Variants in COL6A1 observed in about 807,000 individuals in gnomAD.
COL6A1 encodes collagen type VI alpha 1 chain.
A neutral mutation model predicts 145.6 loss-of-function variants in COL6A1; 80 were observed. The observed-to-expected ratio is 0.55, with a 90% CI of 0.46 to 0.66. The LOEUF is 0.66. Among genes scored for constraint, COL6A1 ranks in the 30% least tolerant of loss-of-function variants. COL6A1 has a pLI of 0.00. For synonymous variants in COL6A1, 638 were observed against 622.8 expected, an observed-to-expected ratio of 1.02 and a Z score of -0.36; for missense variants, 1,364 against 1,473.8, an observed-to-expected ratio of 0.93 and a Z score of 1.22.
At chr21:46,000,853 A>G (rs1279208234) in intron 29 of COL6A1, 86 bp downstream of exon 29, 4 of 1,528,636 alleles carry the variant, frequency 2.6e-6, no homozygotes, top group Non-Finnish European at 3.6e-6. Context: ...ACAGGACAGC[A>G]CATGGCACTC....
chr21:45,997,409 ATC>A lies in COL6A1; in HGVS notation c.1399-6_1399-5del. On this transcript the variant is annotated splice_polypyrimidine_tract_variant and intron_variant, in intron 20 of 34. Transcript: ENST00000361866. ...GCCTGTGGTCCAACGTGCCATATCC[ATC>A]TCTCTACAGGGCGAGGCTGGCCCTA... 4 of 1,612,678 alleles carry A rather than the reference ATC, an allele frequency of 2.5e-6. No individual in the cohort carries two copies. Among genetic ancestry groups the A allele is most frequent in the Non-Finnish European group, 3.4e-6 (4 of 1,179,732 alleles).
Position 46,004,231 on chromosome 21 carries a change from G to C in COL6A1, c.*218G>C, listed in dbSNP as rs2123494180. The C allele has an allele frequency of 1.6e-6, 1 of 634,562 alleles. No individual in the cohort carries two copies. The highest frequency in any genetic ancestry group is 2.7e-6 in the Non-Finnish European group (1 of 368,898). The allele number at this position is 634,562 out of a possible 1,614,324, so 39.3% of individuals were successfully genotyped here. ...GGCATCACCTGCGCAGGGCCCTCTG[G>C]GGCTCAGCCCTGAGCTAGTGTCACC... is the stretch of plus-strand genomic sequence containing the variant. On this transcript the variant is annotated 3_prime_UTR_variant, in exon 35 of 35. Transcript: ENST00000361866.
At position 45,990,361 on chromosome 21, in the gene COL6A1, G is replaced by T. The variant is rs79364611; in HGVS notation, c.958-17G>T. The T allele has an allele frequency of 6.2e-7, 1 of 1,609,234 alleles. No homozygotes were observed. ...TGACCTGCATCTGACTCCTGCCTTC[G>T]TTTTCCCGCCTCACAGGGAGAGAAG... is the stretch of plus-strand genomic sequence containing the variant. On this transcript the variant is annotated splice_polypyrimidine_tract_variant and intron_variant, in intron 12 of 34. Transcript: ENST00000361866.
chr21:45,998,813 T>C lies in COL6A1; in HGVS notation c.1612-84T>C, dbSNP rs1398537437. ...AGGGAAGAGAAGAGTGCCTCTCTTA[T>C]CTTTATTTTTTTCCTTTTAAAATTT... is the stretch of plus-strand genomic sequence containing the variant. On this transcript the variant is annotated intron_variant, in intron 24 of 34. Coordinates refer to ENST00000361866, the MANE Select transcript of COL6A1 (RefSeq NM_001848.3). The C allele has an allele frequency of 7.9e-6, 8 of 1,015,900 alleles. No individual in the cohort carries two copies. The African/African-American group carries it at 1.3e-4, about 16-fold the overall frequency. The allele number at this position is 1,015,900 out of a possible 1,614,324, so 62.9% of individuals were successfully genotyped here.
chr21:45,989,820 G>C, intron 11 of COL6A1, 42 bp downstream of exon 11: 2 of 1,612,298 alleles, frequency 1.2e-6, no homozygotes, highest in South Asian at 2.2e-5. Context: ...TCCAGGCGCA[G>C]ATGTGCCATC....
At chr21:46,002,450 C>T in intron 32 of COL6A1, 49 bp downstream of exon 32, 1 of 1,613,082 alleles carries the variant, frequency 6.2e-7, no homozygotes, top group Non-Finnish European at 8.5e-7. Flanking sequence ...GGGCGCCCCG[C>T]CAGCCAGGGT....
intron 2 of COL6A1, 129 bp from the exon 3 acceptor site, chr21:45,984,140 A>G: frequency 3.1e-6 from 3 of 968,362 alleles, no homozygotes; most frequent in Non-Finnish European, 4.8e-6. Context: ...CCACAGGGCA[A>G]GTCCAGCTGT....
Position 45,986,986 on chromosome 21 carries a change from C to G in COL6A1, c.631C>G (p.Arg211Gly), listed in dbSNP as rs375217284. 11 of 1,551,744 alleles carry G rather than the reference C, an allele frequency of 7.1e-6. No individual in the cohort carries two copies. Among genetic ancestry groups the G allele is most frequent in the Non-Finnish European group, 9.6e-6 (11 of 1,148,828 alleles). Residue 211 changes from arginine (R) to glycine (G), a missense_variant, in exon 5 of 35, where the codon CGC becomes GGC. By Grantham distance (125) the Arg-to-Gly change is moderately radical. Coordinates refer to ENST00000361866, the MANE Select transcript of COL6A1 (RefSeq NM_001848.3). ...SIIATDHTYRRNFTAADWGQS... is the reference protein window; with the variant it reads ...SIIATDHTYRGNFTAADWGQS... ...CATCGCCACGGACCACACGTACCGG[C>G]GCAACTTCACGGCGGCTGACTGGGG...
chr21:45,983,465 C>T (rs556937298), intron 2 of COL6A1, among the ~76,000 whole-genome samples: 3 of 152,220 alleles, frequency 2.0e-5, no homozygotes, highest in East Asian at 1.9e-4. Flanking sequence ...GCTTAGCCGG[C>T]GTAGGAACCC....
intron 2 of COL6A1, 120 bp from the exon 3 acceptor site, chr21:45,984,149 G>A: frequency 1.9e-6 from 2 of 1,026,242 alleles, no homozygotes; most frequent in Non-Finnish European, 2.9e-6. Context: ...AAGTCCAGCT[G>A]TGTGTCAGCC....
At position 46,004,387 on chromosome 21, in the gene COL6A1, T is replaced by C; in HGVS notation, c.*374T>C. On this transcript the variant is annotated 3_prime_UTR_variant, in exon 35 of 35. Transcript: ENST00000361866. ...TCCTGCCCTGCCCTCCTGCCCGCCC[T>C]CCCTCCTGCCTGCGCAGCTCCTTCC... The C allele has an allele frequency of 2.8e-6, 1 of 352,062 alleles. No homozygotes were observed. The highest frequency in any genetic ancestry group is 6.8e-5 in the East Asian group (1 of 14,802). The allele number at this position is 352,062 out of a possible 1,614,324, so 21.8% of individuals were successfully genotyped here. A position where few individuals can be genotyped will look rare whatever the true frequency, so the allele number is the denominator to read the frequency against.
intron 10 of COL6A1, 29 bp from the exon 11 acceptor site, chr21:45,989,723 C>T (rs2077763024): frequency 1.2e-6 from 2 of 1,613,120 alleles, no homozygotes; most frequent in Middle Eastern, 3.3e-4. Flanking sequence ...ACAAGCCTTC[C>T]TCTTCCTCTT....
chr21:46,003,220 G>A (rs1028366853), intron 34 of COL6A1, 71 bp downstream of exon 34: 7 of 1,610,506 alleles, frequency 4.3e-6, no homozygotes, highest in African/African-American at 4.0e-5. Flanking sequence ...CTGAGAGGAC[G>A]GGGCTCTGGG....
chr21:45,982,801 T>A (rs2077715606), intron 2 of COL6A1, 38 bp downstream of exon 2: 1 of 1,606,940 alleles, frequency 6.2e-7, no homozygotes, highest in Non-Finnish European at 8.5e-7. Context: ...CCTGTGCTTC[T>A]GGGCCTCTTG....
In COL6A1 at chr21:46,003,395, G is replaced by C. The variant is rs146662894; in HGVS notation, c.2469G>C (p.Thr823=). 6.2e-7 allele frequency: 1 copy of C among 1,600,422 alleles called. No homozygotes were observed. The highest frequency in any genetic ancestry group is 1.3e-5 in the African/African-American group (1 of 74,918). Residue 823 remains threonine (T), a synonymous_variant, in exon 35 of 35, where the codon ACG becomes ACC. Coordinates refer to ENST00000361866, the MANE Select transcript of COL6A1 (RefSeq NM_001848.3). ...GCTGCCCACCCCGCCCCGCAGTCAC[G>C]TTCTCCTCCCCGGCTGACATCACCA... ...KKCPDYTCPI[T]FSSPADITIL... is the part of the protein sequence containing the mutation.
rs2077819991 is a variant in COL6A1 at position 45,998,541 on chromosome 21, C to T, written c.1611+108C>T. 1.0e-5 allele frequency: 15 copies of T among 1,487,876 alleles called. No homozygotes were observed. In the Admixed American group the frequency reaches 1.2e-4, roughly 12 times the overall value. 92.2% of individuals were successfully genotyped at this position (1,487,876 alleles called of 1,614,324 possible). Reference sequence around the variant, plus strand: ...GCACACAGGCTCCCGAGCAAACACACGGGGTACACAGGCACCCACGGCTGC... The same window carrying T: ...GCACACAGGCTCCCGAGCAAACACATGGGGTACACAGGCACCCACGGCTGC... On this transcript the variant is annotated intron_variant, in intron 24 of 34. Coordinates refer to ENST00000361866, the MANE Select transcript of COL6A1 (RefSeq NM_001848.3).
rs773660427 is a variant in COL6A1, at chr21:45,997,436, A to G, written c.1414A>G (p.Ile472Val). ...VPGDPGEAGPIGPKGYRGDEG... is the reference protein window; with the variant it reads ...VPGDPGEAGPVGPKGYRGDEG... ...CTCTCTACAGGGCGAGGCTGGCCCT[A>G]TCGGACCTAAAGGCTACCGAGGCGA... The change falls in exon 21 of 35, where the codon ATC (isoleucine) becomes GTC (valine). Residue 472 changes from isoleucine (I) to valine (V), a missense_variant. Physicochemically the swap from Ile to Val is conservative, Grantham distance 29 (BLOSUM62 3). Around this residue, in one of 3 missense-constraint regions of COL6A1, gnomAD observed 938 missense variants for 1,003.8 expected, o/e 0.93. Coordinates refer to ENST00000361866, the MANE Select transcript of COL6A1 (RefSeq NM_001848.3). The G allele has an allele frequency of 6.2e-7, 1 of 1,612,874 alleles. No individual in the cohort carries two copies. The highest frequency in any genetic ancestry group is 2.2e-5 in the East Asian group (1 of 44,826).
chr21:45,995,756 T>G (rs1284887299), intron 20 of COL6A1, among the ~76,000 whole-genome samples: 1 of 152,136 alleles, frequency 6.6e-6, no homozygotes, highest in Non-Finnish European at 1.5e-5. Flanking sequence ...TGGAGGAGGT[T>G]TCCCCCAACG....
intron 29 of COL6A1, 167 bp downstream of exon 29, chr21:46,000,934 G>C (rs1267503594): frequency 1.1e-6 from 1 of 918,156 alleles, no homozygotes; most frequent in Admixed American, 1.9e-5. Flanking sequence ...CAGGGTTCCC[G>C]GGTGTTGGGC....
Sources: allele counts gnomAD v4.1 joint callset (sites outside exome capture counted in the v4.1 genomes callset), GRCh38; gene constraint gnomAD v4.1.1; regional missense constraint gnomAD v4.1.1; transcripts MANE v1.5; gene names NCBI Gene and HGNC (gene_info 2026-07-23, HGNC 2026-07-21).